The following GNPDA2 variants were observed in gnomAD, a reference collection of about 807,000 sequenced individuals.
The protein encoded by GNPDA2 is glcN6P deaminase 2.
GNPDA2 carries 24 observed loss-of-function variants against 27.0 expected under a neutral mutation model. That is an observed-to-expected ratio of 0.89 (90% CI 0.64 to 1.25). GNPDA2 has a LOEUF of 1.25. Ranked by LOEUF, GNPDA2 falls within the 50% of genes most tolerant of loss-of-function variation. The pLI is 0.00. For synonymous variants in GNPDA2, 94 were observed against 108.4 expected, an observed-to-expected ratio of 0.87 and a Z score of 0.83; for missense variants, 286 against 335.1, an observed-to-expected ratio of 0.85 and a Z score of 1.14.
chr4:44,714,648 A>G (rs1717170222), intron 4 of GNPDA2: 1 of 985,028 alleles, frequency 1.0e-6, no homozygotes, highest in Admixed American at 6.2e-5. Context: ...TAGAGTTTTT[A>G]TTAACCAAAC....
intron 4 of GNPDA2, among the ~76,000 whole-genome samples, chr4:44,713,567 CTTT>C (rs1451711962): frequency 2.6e-5 from 4 of 152,118 alleles, no homozygotes; most frequent in Non-Finnish European, 5.9e-5. Context: ...CCACTGTCTT[CTTT>C]TATTTTTACT....
chr4:44,704,167 A>G, intron 6 of GNPDA2: 17 of 985,102 alleles, frequency 1.7e-5, no homozygotes, highest in East Asian at 1.1e-4. Context: ...AATTCTAACC[A>G]TAAGAATGGG....
rs1326697931 is a variant in GNPDA2 at position 44,703,150 on chromosome 4, A to G, written c.770-8T>C. On this transcript the variant is annotated splice_polypyrimidine_tract_variant and splice_region_variant and intron_variant, in intron 6 of 6. Coordinates refer to ENST00000295448, the MANE Select transcript of GNPDA2 (RefSeq NM_138335.3). ...TGTGCACATGCATTAGACCTTAAAG[A>G]AAAAAAGCACAGTTCTAGTTGTTTT... 1 of 1,605,398 alleles carries G rather than the reference A, an allele frequency of 6.2e-7. No individual in the cohort carries two copies. The highest frequency in any genetic ancestry group is 1.1e-5 in the South Asian group (1 of 88,632).
At chr4:44,724,468 A>C (rs1717888947) in intron 1 of GNPDA2, among the ~76,000 whole-genome samples, 1 of 152,216 alleles carries the variant, frequency 6.6e-6, no homozygotes, top group Non-Finnish European at 1.5e-5. Context: ...TTTTTTCTAC[A>C]GAAGTTGAAC....
intron 4 of GNPDA2, among the ~76,000 whole-genome samples, chr4:44,716,836 A>G (rs763900261): frequency 1.3e-5 from 2 of 151,874 alleles, no homozygotes; most frequent in Non-Finnish European, 3.0e-5. Context: ...TAAACTGTCA[A>G]CTTTAAAGAG....
chr4:44,717,240 A>C lies in GNPDA2; in HGVS notation c.282T>G (p.Phe94Leu), dbSNP rs1210263741. Residue 94 changes from phenylalanine (F) to leucine (L), a missense_variant, in exon 4 of 7, where the codon TTT (phenylalanine) becomes TTG (leucine). Transcript: ENST00000295448. ...SYHSYMWNNF[F>L]KHIDIDPNNA... ...TATTAGGATCTATATCGATATGCTT[A>C]AAAAAATTATTCCACATATAAGAAT... 1.3e-6 allele frequency: 2 copies of C among 1,560,022 alleles called. No homozygotes were observed. Among genetic ancestry groups the C allele is most frequent in the South Asian group, 2.4e-5 (2 of 82,502 alleles).
Position 44,702,878 on chromosome 4 carries a change from A to C in GNPDA2, c.*203T>G. The C allele has an allele frequency of 7.1e-7, 1 of 1,400,260 alleles. No individual in the cohort carries two copies. The highest frequency in any genetic ancestry group is 9.2e-7 in the Non-Finnish European group (1 of 1,085,898). 86.7% of individuals were successfully genotyped at this position (1,400,260 alleles called of 1,614,324 possible). Reference sequence around the variant, plus strand: ...GTACTTTATAATAAATAGCCAGTCAATCTTGAGAGCCAGCTACTTCTCTTA... The same window carrying C: ...GTACTTTATAATAAATAGCCAGTCACTCTTGAGAGCCAGCTACTTCTCTTA... On this transcript the variant is annotated 3_prime_UTR_variant, in exon 7 of 7. Coordinates refer to ENST00000295448, the MANE Select transcript of GNPDA2 (RefSeq NM_138335.3).
At chr4:44,707,559 GA>G (rs11337450) in intron 6 of GNPDA2, 192 bp downstream of exon 6, 249,804 of 368,306 alleles carry the variant, frequency 0.68, 67,280 homozygotes, top group African/African-American at 0.79. Context: ...TTCTCTTCAT[GA>G]AAAAAAAAAA....
chr4:44,711,260 C>A (rs1716962813), intron 4 of GNPDA2, 123 bp from the exon 5 acceptor site: 3 of 520,560 alleles, frequency 5.8e-6, no homozygotes, highest in Non-Finnish European at 3.1e-6. Context: ...CCTATTACTG[C>A]ATTAAAATAT....
intron 2 of GNPDA2, among the ~76,000 whole-genome samples, chr4:44,720,555 A>C (rs771050695): frequency 1.3e-5 from 2 of 152,140 alleles, no homozygotes; most frequent in African/African-American, 4.8e-5. Context: ...TGTCAAGCTC[A>C]TTAAGGTCAC....
chr4:44,712,538 T>C (rs1450303960), intron 4 of GNPDA2, among the ~76,000 whole-genome samples: 2 of 142,906 alleles, frequency 1.4e-5, no homozygotes, highest in East Asian at 2.0e-4. Flanking sequence ...CTTATAAATA[T>C]ATATTAATTA....
chr4:44,717,396 T>C (rs1027278662), intron 3 of GNPDA2, 101 bp from the exon 4 acceptor site: 9 of 599,082 alleles, frequency 1.5e-5, no homozygotes, highest in Admixed American at 3.5e-5. Flanking sequence ...CTAACTTCTC[T>C]ATACCATATT....
chr4:44,720,195 T>A (rs922776272), intron 2 of GNPDA2, among the ~76,000 whole-genome samples: 4 of 152,208 alleles, frequency 2.6e-5, no homozygotes, highest in African/African-American at 7.2e-5. Flanking sequence ...GCGCTAATGT[T>A]TTTATATATT....
At chr4:44,711,650 T>C (rs1716986335) in intron 4 of GNPDA2, among the ~76,000 whole-genome samples, 1 of 152,048 alleles carries the variant, frequency 6.6e-6, no homozygotes, top group Non-Finnish European at 1.5e-5. Context: ...TTGGTTGTAG[T>C]CCAGATAGGG....
At chr4:44,711,768 C>A (rs2109704246) in intron 4 of GNPDA2, among the ~76,000 whole-genome samples, 1 of 150,056 alleles carries the variant, frequency 6.7e-6, no homozygotes, top group East Asian at 2.0e-4. Flanking sequence ...AAACTTCTGA[C>A]TGTAACCCTT....
In GNPDA2 at chr4:44,704,700, A is replaced by T. The variant is rs187702347; in HGVS notation, c.770-1558T>A. On this transcript the variant is annotated intron_variant, in intron 6 of 6. Coordinates refer to ENST00000295448, the MANE Select transcript of GNPDA2 (RefSeq NM_138335.3). ...GTCAAACAGAAATAATTCTTCTGAT[A>T]AAAATGCACCAGACTTCCTGAAACG... 2,618 of 972,348 alleles carry T rather than the reference A, an allele frequency of 2.7e-3. 26 individuals are homozygous for T. The highest frequency in any genetic ancestry group is 0.024 in the African/African-American group (1,391 of 57,010). 60.2% of individuals were successfully genotyped at this position (972,348 alleles called of 1,614,324 possible).
At chr4:44,715,289 T>C (rs1717216044) in intron 4 of GNPDA2, among the ~76,000 whole-genome samples, 1 of 152,188 alleles carries the variant, frequency 6.6e-6, no homozygotes, top group Non-Finnish European at 1.5e-5. Flanking sequence ...ATCAGTGTTA[T>C]TCCCCATAGT....
At chr4:44,721,318 T>G (rs1717654311) in intron 2 of GNPDA2, among the ~76,000 whole-genome samples, 1 of 152,152 alleles carries the variant, frequency 6.6e-6, no homozygotes. Flanking sequence ...CTATCTTAGC[T>G]GAATCTCAAA....
chr4:44,722,075 G>A lies in GNPDA2; in HGVS notation c.124+9C>T. On this transcript the variant is annotated intron_variant, in intron 2 of 6. Coordinates refer to ENST00000295448, the MANE Select transcript of GNPDA2 (RefSeq NM_138335.3). ...ATCAGAATATAAAATGGAAAAAGTA[G>A]TTAATTACCTGTTGGTAAACCCAGT... The A allele has an allele frequency of 6.3e-7, 1 of 1,588,662 alleles. No individual in the cohort carries two copies.
Sources: gnomAD v4.1 joint callset for allele counts (sites outside exome capture counted in the v4.1 genomes callset) on GRCh38, gnomAD v4.1.1 for gene constraint, MANE v1.5 for transcripts, NCBI Gene and HGNC (gene_info 2026-07-23, HGNC 2026-07-21) for gene names.